Variants in TTC9C observed in about 807,000 individuals in gnomAD.
The protein encoded by TTC9C is tetratricopeptide repeat domain 9C, also known as tetratricopeptide repeat protein 9C.
In TTC9C, 15 loss-of-function variants were observed where a neutral mutation model predicts 22.5. That is an observed-to-expected ratio of 0.67 (90% CI 0.45 to 1.03). The LOEUF (loss-of-function observed/expected upper bound fraction) is 1.03, where lower values mean the gene tolerates loss of function less well. TTC9C is among the 50% of genes least tolerant of loss of function. The pLI is 0.00. For synonymous variants in TTC9C, 92 were observed against 86.8 expected (o/e 1.06, Z -0.33); for missense variants, 244 against 214.6 (o/e 1.14, Z -0.86).
chr11:62,734,269 G>A (rs972449879), intron 1 of TTC9C, among the ~76,000 whole-genome samples: 2 of 151,852 alleles, frequency 1.3e-5, no homozygotes, highest in African/African-American at 4.8e-5. Context: ...TTGCACTCCA[G>A]CCTGGGCGAC....
chr11:62,731,989 C>CTTTTT (rs58705402), intron 1 of TTC9C, among the ~76,000 whole-genome samples: 2 of 63,216 alleles, frequency 3.2e-5, no homozygotes, highest in Non-Finnish European at 5.9e-5. Flanking sequence ...CTGGTCAGCA[C>CTTTTT]TTTTTTTTTT....
intron 2 of TTC9C, among the ~76,000 whole-genome samples, chr11:62,737,204 C>T (rs2083922878): frequency 6.7e-6 from 1 of 150,046 alleles, no homozygotes; most frequent in South Asian, 2.1e-4. Flanking sequence ...ATCTCAAAAA[C>T]AAAACAAAAC....
Position 62,728,536 on chromosome 11 carries a change from T to C in TTC9C, c.-313T>C, listed in dbSNP as rs2083793321. 2.0e-6 allele frequency: 1 copy of C among 507,806 alleles called. No individual in the cohort carries two copies. The highest frequency in any genetic ancestry group is 3.8e-6 in the Non-Finnish European group (1 of 261,382). The allele number at this position is 507,806 out of a possible 1,614,324, so 31.5% of individuals were successfully genotyped here. On this transcript the variant is annotated 5_prime_UTR_variant, in exon 1 of 3. Transcript: ENST00000316461. ...CAACAATTCCTGAGTAGGGCCTTGC[T>C]TGAGTTCTTCGGAAAGTCTCATCCA...
chr11:62,729,396 TA>T (rs1338706394), intron 1 of TTC9C, among the ~76,000 whole-genome samples: 12 of 139,154 alleles, frequency 8.6e-5, no homozygotes, highest in African/African-American at 2.3e-4. Flanking sequence ...TATTTTATTT[TA>T]TTTTATTTTA....
rs544159851 is a variant in TTC9C at position 62,738,051 on chromosome 11, AAAAT to A, written c.422-213_422-210del. Among the ~76,000 whole-genome samples the A allele has an allele frequency of 7.2e-3, 1,091 of 151,706 alleles. 10 individuals are homozygous for A. Among genetic ancestry groups the A allele is most frequent in the African/African-American group, 0.021 (884 of 41,422 alleles). The stretch of plus-strand genomic sequence containing the variant: ...CTGTCTCAAAAGTAAGTAAATAAAT[AAAAT>A]AAATAAATAAATAAATAAATAAAAA... On this transcript the variant is annotated intron_variant, in intron 2 of 2. Coordinates refer to ENST00000316461, the MANE Select transcript of TTC9C (RefSeq NM_173810.4).
chr11:62,737,334 C>T (rs1431599364), intron 2 of TTC9C, among the ~76,000 whole-genome samples: 2 of 152,166 alleles, frequency 1.3e-5, no homozygotes, highest in Admixed American at 6.6e-5. Flanking sequence ...CATTTTTATC[C>T]TTTAGCTCAG....
At position 62,735,435 on chromosome 11, in the gene TTC9C, CAG is replaced by C; in HGVS notation, c.294_295del (p.Lys99SerfsTer7). 2 of 1,614,126 alleles carry C rather than the reference CAG, an allele frequency of 1.2e-6. No homozygotes were observed. The highest frequency in any genetic ancestry group is 8.5e-7 in the Non-Finnish European group (1 of 1,180,026). ...VNYERVREYS[Q>X]KVLERQPDNA... ...CTACGAACGAGTGAGAGAATATAGT[CAG>C]AAAGTCCTGGAACGACAGCCTGATA... On this transcript the variant is annotated frameshift_variant, in exon 2 of 3. Transcript: ENST00000316461. LOFTEE classifies it high-confidence loss of function.
rs143030474 is a variant in TTC9C at position 62,738,383 on chromosome 11, C to T, written c.*1C>T. 6 of 1,602,070 alleles carry T rather than the reference C, an allele frequency of 3.7e-6. No homozygotes were observed. Among genetic ancestry groups the T allele is most frequent in the African/African-American group, 1.3e-5 (1 of 74,616 alleles). Reference sequence around the variant, plus strand: ...GCTCTACCTGGGCATGTTTGGTTAACAAAGAAGAAAGATGCTCCTCCAGTT... The same window carrying T: ...GCTCTACCTGGGCATGTTTGGTTAATAAAGAAGAAAGATGCTCCTCCAGTT... On this transcript the variant is annotated 3_prime_UTR_variant, in exon 3 of 3. Coordinates refer to ENST00000316461, the MANE Select transcript of TTC9C (RefSeq NM_173810.4).
In TTC9C at chr11:62,735,514, A is replaced by G. The variant is rs1290176436; in HGVS notation, c.371A>G (p.Tyr124Cys). 8.7e-6 allele frequency: 14 copies of G among 1,613,286 alleles called. No homozygotes were observed. In the Middle Eastern group the frequency reaches 4.9e-4, roughly 57 times the overall value. The stretch of plus-strand genomic sequence containing the variant: ...GTGGCCTTTTTCCATCTGCAGGACT[A>G]TGACCAGGCCCGCCACTACCTCCTG... ...AGVAFFHLQD[Y>C]DQARHYLLAA... Residue 124 changes from tyrosine (Y) to cysteine (C), a missense_variant, in exon 2 of 3, where the codon TAT becomes TGT. By Grantham distance (194) the Tyr-to-Cys change is radical. Coordinates refer to ENST00000316461, the MANE Select transcript of TTC9C (RefSeq NM_173810.4).
Position 62,728,632 on chromosome 11 carries a change from C to T in TTC9C, c.-217C>T, listed in dbSNP as rs2083796126. On this transcript the variant is annotated 5_prime_UTR_variant, in exon 1 of 3. Coordinates refer to ENST00000316461, the MANE Select transcript of TTC9C (RefSeq NM_173810.4). ...TATTCCCACATCCCTTTCCTTACTACTTGCCTGCACTTCTTGAGAAAAAGA... is the reference window on the plus strand; with the variant it reads ...TATTCCCACATCCCTTTCCTTACTATTTGCCTGCACTTCTTGAGAAAAAGA... The T allele has an allele frequency of 5.9e-6, 4 of 678,966 alleles. No individual in the cohort carries two copies. The highest frequency in any genetic ancestry group is 3.0e-5 in the South Asian group (2 of 66,560). The allele number at this position is 678,966 out of a possible 1,614,324, so 42.1% of individuals were successfully genotyped here. A position where few individuals can be genotyped will look rare whatever the true frequency, so the allele number is the denominator to read the frequency against.
chr11:62,730,774 T>C (rs1272024000), intron 1 of TTC9C, among the ~76,000 whole-genome samples: 5 of 151,782 alleles, frequency 3.3e-5, no homozygotes, highest in African/African-American at 9.7e-5. Context: ...GATTTCTTCA[T>C]GTTGGTCAGA....
rs1370355286 is a variant in TTC9C, at chr11:62,729,031, T to C, written c.183T>C (p.Pro61=). Residue 61 remains proline (P), a synonymous_variant, in exon 1 of 3, where the codon CCT becomes CCC. Coordinates refer to ENST00000316461, the MANE Select transcript of TTC9C (RefSeq NM_173810.4). Reference sequence around the variant, plus strand: ...GACCTCAGGGCCCGGCCCTCACGCCTGAACAAGAAAACATATTGCATACCA... The same window carrying C: ...GACCTCAGGGCCCGGCCCTCACGCCCGAACAAGAAAACATATTGCATACCA... ...NLGPQGPALT[P]EQENILHTTQ... 2.5e-6 allele frequency: 4 copies of C among 1,614,120 alleles called. No individual in the cohort carries two copies. Among genetic ancestry groups the C allele is most frequent in the South Asian group, 2.2e-5 (2 of 91,074 alleles).
intron 1 of TTC9C, among the ~76,000 whole-genome samples, chr11:62,732,067 C>G (rs771833573): frequency 1.4e-5 from 2 of 142,324 alleles, no homozygotes; most frequent in Non-Finnish European, 3.0e-5. Flanking sequence ...GCAATTCTGG[C>G]TCACTGCAAG....
At chr11:62,736,995 C>T (rs2134823532) in intron 2 of TTC9C, among the ~76,000 whole-genome samples, 1 of 151,892 alleles carries the variant, frequency 6.6e-6, no homozygotes, top group African/African-American at 2.4e-5. Flanking sequence ...GCCAGGAGTT[C>T]GAGACCATCC....
intron 1 of TTC9C, among the ~76,000 whole-genome samples, chr11:62,735,033 A>G (rs1343836764): frequency 6.6e-6 from 1 of 152,074 alleles, no homozygotes; most frequent in East Asian, 1.9e-4. Context: ...AGTAGCTGGG[A>G]TTACAGGCAT....
intron 1 of TTC9C, among the ~76,000 whole-genome samples, chr11:62,730,311 G>A (rs1425594100): frequency 6.6e-6 from 1 of 152,138 alleles, no homozygotes; most frequent in African/African-American, 2.4e-5. Flanking sequence ...CTGACCTCAG[G>A]TGATTCGCCC....
At chr11:62,738,202 T>G in intron 2 of TTC9C, 86 bp from the exon 3 acceptor site, 1 of 763,268 alleles carries the variant, frequency 1.3e-6, no homozygotes, top group Admixed American at 2.3e-5. Flanking sequence ...AATGGGAGCA[T>G]GTTAACATTC....
chr11:62,738,245 C>T (rs1484467829), intron 2 of TTC9C, 43 bp from the exon 3 acceptor site: 2 of 1,285,160 alleles, frequency 1.6e-6, no homozygotes, highest in South Asian at 1.2e-5. Flanking sequence ...ATGGTCTTAA[C>T]TGACTCTAAC....
chr11:62,728,100 T>C (rs896925584), upstream of TTC9C: 1 of 152,952 alleles, frequency 6.5e-6, no homozygotes, highest in Non-Finnish European at 1.5e-5. Context: ...GGATTATTTT[T>C]CCGGAGCCTC....
Sources: gnomAD v4.1 joint callset for allele counts (sites outside exome capture counted in the v4.1 genomes callset) on GRCh38, gnomAD v4.1.1 for gene constraint, MANE v1.5 for transcripts, NCBI Gene and HGNC (gene_info 2026-07-23, HGNC 2026-07-21) for gene names.